The following CARMIL1 variants were observed in gnomAD, a reference collection of about 807,000 sequenced individuals.
CARMIL1 encodes the protein capping protein regulator and myosin 1 linker 1, also known as F-actin-uncapping protein LRRC16A.
In CARMIL1, 90 loss-of-function variants were observed where a neutral mutation model predicts 177.1. The ratio of observed to expected loss-of-function variants is 0.51; its 90% CI spans 0.43 to 0.61. The LOEUF (loss-of-function observed/expected upper bound fraction) is 0.61. Among genes scored for constraint, CARMIL1 ranks in the 20% least tolerant of loss-of-function variants. The pLI, the probability that CARMIL1 is intolerant of heterozygous loss-of-function variation, is 0.00. For missense variants in CARMIL1, 1,380 were observed against 1,667.0 expected, an observed-to-expected ratio of 0.83 and a Z score of 3.00; for synonymous variants, 577 against 606.2, an observed-to-expected ratio of 0.95 and a Z score of 0.71.
intron 2 of CARMIL1, among the ~76,000 whole-genome samples, chr6:25,411,960 G>A (rs1794941402): frequency 1.3e-5 from 2 of 152,142 alleles, no homozygotes; most frequent in Non-Finnish European, 2.9e-5. Context: ...GGCTCAGAGT[G>A]TAGGGAAGTG....
At chr6:25,502,009 A>AAAC (rs1804418132) in intron 17 of CARMIL1, among the ~76,000 whole-genome samples, 1 of 151,290 alleles carries the variant, frequency 6.6e-6, no homozygotes, top group African/African-American at 2.4e-5. Flanking sequence ...AAAAAAAAAA[A>AAAC]AAACCCAAAC....
intron 12 of CARMIL1, among the ~76,000 whole-genome samples, chr6:25,487,882 TTTATG>T (rs1802818723): frequency 6.6e-6 from 1 of 152,240 alleles, no homozygotes; most frequent in African/African-American, 2.4e-5. Context: ...ATTTGAGCCA[TTTATG>T]TTATGTATGT....
intron 27 of CARMIL1, among the ~76,000 whole-genome samples, chr6:25,553,093 C>T (rs1338795697): frequency 6.6e-6 from 1 of 152,238 alleles, no homozygotes; most frequent in Non-Finnish European, 1.5e-5. Context: ...TCTCCCCAGG[C>T]AGAGAAATCT....
intron 5 of CARMIL1, among the ~76,000 whole-genome samples, chr6:25,440,540 G>C (rs1797647575): frequency 6.6e-6 from 1 of 152,102 alleles, no homozygotes; most frequent in Non-Finnish European, 1.5e-5. Flanking sequence ...TCCTTAGATT[G>C]CATTATATGA....
chr6:25,545,416 T>C (rs1809354142), intron 26 of CARMIL1, among the ~76,000 whole-genome samples: 1 of 118,748 alleles, frequency 8.4e-6, no homozygotes, highest in Admixed American at 8.3e-5. Context: ...GAGCATCTAA[T>C]CATATGGCTT....
At chr6:25,393,570 A>T (rs191461855) in intron 2 of CARMIL1, 20,554 of 151,582 alleles carry the variant, frequency 0.14, 1,630 homozygotes, top group East Asian at 0.31. Flanking sequence ...AAAAAAAAAA[A>T]AAAATCATGG....
intron 5 of CARMIL1, among the ~76,000 whole-genome samples, chr6:25,441,371 G>GTGTC: frequency 8.1e-6 from 1 of 122,916 alleles, no homozygotes; most frequent in Non-Finnish European, 1.8e-5. Flanking sequence ...GTGTGTGTGT[G>GTGTC]TCTATGTGTG....
At chr6:25,397,888 T>A (rs900306813) in intron 2 of CARMIL1, among the ~76,000 whole-genome samples, 2 of 152,214 alleles carry the variant, frequency 1.3e-5, no homozygotes, top group Admixed American at 1.3e-4. Flanking sequence ...AGATTTAAAA[T>A]ACATTTAGGT....
At chr6:25,604,456 T>C (rs1451289713) in intron 33 of CARMIL1, among the ~76,000 whole-genome samples, 1 of 152,118 alleles carries the variant, frequency 6.6e-6, no homozygotes, top group Non-Finnish European at 1.5e-5. Flanking sequence ...CCTCATCACA[T>C]AAAGCATCAG....
At chr6:25,594,380 C>A in intron 31 of CARMIL1, 35 bp from the exon 32 acceptor site, 1 of 1,285,048 alleles carries the variant, frequency 7.8e-7, no homozygotes, top group Non-Finnish European at 1.1e-6. Flanking sequence ...AATCAAGGTG[C>A]ATGTGAATTA....
rs115709056 is a variant in CARMIL1 at position 25,556,995 on chromosome 6, A to G, written c.2742+145A>G. Reference sequence around the variant, plus strand: ...CAGACAATTCTTTCAGAAAAGTCCTAAAGAGGCCGCTAATGAAGTGAATAA... The same window carrying G: ...CAGACAATTCTTTCAGAAAAGTCCTGAAGAGGCCGCTAATGAAGTGAATAA... On this transcript the variant is annotated intron_variant, in intron 29 of 36. Coordinates refer to ENST00000329474, the MANE Select transcript of CARMIL1 (RefSeq NM_017640.6). 9.3e-3 allele frequency: 7,800 copies of G among 841,568 alleles called. 140 individuals are homozygous for G. The highest frequency in any genetic ancestry group is 0.059 in the African/African-American group (3,414 of 57,408). The allele number at this position is 841,568 out of a possible 1,614,324, so 52.1% of individuals were successfully genotyped here.
chr6:25,332,315 G>C (rs144636550), intron 2 of CARMIL1, among the ~76,000 whole-genome samples: 130 of 152,296 alleles, frequency 8.5e-4, no homozygotes, highest in African/African-American at 3.0e-3. Context: ...GTCATGTGCT[G>C]GGCACTGAGA....
intron 2 of CARMIL1, among the ~76,000 whole-genome samples, chr6:25,308,193 A>G (rs560738929): frequency 3.3e-5 from 5 of 152,274 alleles, no homozygotes; most frequent in African/African-American, 9.6e-5. Context: ...GCTGTTGTCT[A>G]TAGCTGAGCT....
chr6:25,581,836 T>C (rs530274278), intron 31 of CARMIL1, among the ~76,000 whole-genome samples: 99 of 152,252 alleles, frequency 6.5e-4, no homozygotes, highest in African/African-American at 2.4e-3. Flanking sequence ...AATTAAAAAT[T>C]GTTTGATTCT....
chr6:25,615,412 G>A (rs1391777493), intron 36 of CARMIL1, among the ~76,000 whole-genome samples: 1 of 152,148 alleles, frequency 6.6e-6, no homozygotes, highest in Non-Finnish European at 1.5e-5. Flanking sequence ...ATATTTGTAA[G>A]CACATTTTTT....
intron 24 of CARMIL1, 144 bp downstream of exon 24, chr6:25,529,037 G>A (rs1807453343): frequency 1.6e-6 from 1 of 641,674 alleles, no homozygotes; most frequent in Non-Finnish European, 2.6e-6. Flanking sequence ...AGAGTTTGAG[G>A]GAAGATACTG....
intron 8 of CARMIL1, among the ~76,000 whole-genome samples, chr6:25,453,246 T>TG (rs1799165593): frequency 6.7e-6 from 1 of 148,670 alleles, no homozygotes; most frequent in African/African-American, 2.5e-5. Context: ...ATTTTACTAT[T>TG]GGAAAAAAAA....
chr6:25,445,315 A>G (rs1798122354), intron 5 of CARMIL1, among the ~76,000 whole-genome samples: 1 of 152,218 alleles, frequency 6.6e-6, no homozygotes, highest in Non-Finnish European at 1.5e-5. Flanking sequence ...TACTTCCTCC[A>G]CTAAACTCTT....
chr6:25,511,915 C>T (rs1036078502), intron 20 of CARMIL1, among the ~76,000 whole-genome samples: 3 of 152,170 alleles, frequency 2.0e-5, no homozygotes, highest in African/African-American at 7.2e-5. Context: ...CCCTCATTTG[C>T]TAATAAACCC....
Sources: gnomAD v4.1 joint callset for allele counts (sites outside exome capture counted in the v4.1 genomes callset) on GRCh38, gnomAD v4.1.1 for gene constraint, MANE v1.5 for transcripts, NCBI Gene and HGNC (gene_info 2026-07-23, HGNC 2026-07-21) for gene names.